The following CNTN4 variants were observed in gnomAD, a reference collection of about 807,000 sequenced individuals.
The protein encoded by CNTN4 is contactin 4, also known as contactin-4.
CNTN4 carries 77 observed loss-of-function variants against 122.5 expected under a neutral mutation model. That is an observed-to-expected ratio of 0.63 (90% CI 0.52 to 0.76). CNTN4 has a LOEUF of 0.76. Ranked by LOEUF, CNTN4 falls within the 30% of genes least tolerant of loss-of-function variation. The pLI, the probability that CNTN4 is intolerant of heterozygous loss-of-function variation, is 0.00. For missense variants in CNTN4, 1,256 were observed against 1,259.1 expected, an observed-to-expected ratio of 1.00 and a Z score of 0.04; for synonymous variants, 512 against 447.0, an observed-to-expected ratio of 1.15 and a Z score of -1.83.
At chr3:2,485,446 G>A (rs778110149) in intron 3 of CNTN4, among the ~76,000 whole-genome samples, 2 of 152,212 alleles carry the variant, frequency 1.3e-5, no homozygotes, top group African/African-American at 2.4e-5. Context: ...GCAGCACTCT[G>A]TGTCTAGCTC....
At chr3:3,001,244 C>T (rs1173201146) in intron 14 of CNTN4, among the ~76,000 whole-genome samples, 1 of 152,184 alleles carries the variant, frequency 6.6e-6, no homozygotes, top group Non-Finnish European at 1.5e-5. Flanking sequence ...CGCTACACAA[C>T]CTCAAGTCTC....
chr3:2,882,862 C>T (rs1264738945), intron 8 of CNTN4: 8 of 349,672 alleles, frequency 2.3e-5, no homozygotes, highest in Non-Finnish European at 4.4e-5. Context: ...TCCTTTTTTT[C>T]CTTAAGACTA....
intron 7 of CNTN4, among the ~76,000 whole-genome samples, chr3:2,863,444 C>CTTTTTTT (rs5846228): frequency 0.011 from 998 of 92,074 alleles, 3 homozygotes; most frequent in Non-Finnish European, 0.015. Context: ...ATGGTTTCTT[C>CTTTTTTT]TTTTTTTTTT....
intron 2 of CNTN4, among the ~76,000 whole-genome samples, chr3:2,141,006 T>A (rs559530133): frequency 1.3e-5 from 2 of 152,208 alleles, no homozygotes; most frequent in African/African-American, 4.8e-5. Context: ...AAGTTACAGG[T>A]TATGTGAAAC....
At chr3:2,522,998 C>G (rs2077273614) in intron 3 of CNTN4, among the ~76,000 whole-genome samples, 1 of 151,994 alleles carries the variant, frequency 6.6e-6, no homozygotes, top group African/African-American at 2.4e-5. Flanking sequence ...TGCTTTCTGT[C>G]CTAAATTGAT....
chr3:2,406,115 G>A (rs1188115763), intron 3 of CNTN4, among the ~76,000 whole-genome samples: 1 of 151,812 alleles, frequency 6.6e-6, no homozygotes, highest in Non-Finnish European at 1.5e-5. Flanking sequence ...TAAATCTTGT[G>A]GATGAAAGTT....
chr3:2,286,538 T>G (rs2041909801), intron 2 of CNTN4, among the ~76,000 whole-genome samples: 1 of 152,084 alleles, frequency 6.6e-6, no homozygotes, highest in Admixed American at 6.6e-5. Flanking sequence ...GACCACTGTT[T>G]CTAAATATGT....
intron 12 of CNTN4, among the ~76,000 whole-genome samples, chr3:2,918,014 G>T (rs2094388306): frequency 6.6e-6 from 1 of 152,062 alleles, no homozygotes; most frequent in South Asian, 2.1e-4. Flanking sequence ...AAAGTCATTT[G>T]TACTTAGTGT....
chr3:2,144,135 A>C (rs2035133360), intron 2 of CNTN4: 1 of 152,188 alleles, frequency 6.6e-6, no homozygotes, highest in South Asian at 2.1e-4. Flanking sequence ...CCTACCTAGT[A>C]AGCCTTCATG....
At chr3:2,832,825 G>A (rs1035151752) in intron 7 of CNTN4, among the ~76,000 whole-genome samples, 27 of 152,284 alleles carry the variant, frequency 1.8e-4, no homozygotes, top group African/African-American at 6.0e-4. Flanking sequence ...TGGGAGCCCC[G>A]TGCAGTCAAT....
intron 14 of CNTN4, 100 bp from the exon 15 acceptor site, chr3:3,026,002 T>G: frequency 8.5e-7 from 1 of 1,172,584 alleles, no homozygotes; most frequent in Non-Finnish European, 1.2e-6. Context: ...TAAAGCAAAA[T>G]TACTTAGTAT....
chr3:2,196,469 C>A (rs531521569), intron 2 of CNTN4, among the ~76,000 whole-genome samples: 1 of 152,228 alleles, frequency 6.6e-6, no homozygotes, highest in East Asian at 1.9e-4. Flanking sequence ...TTCATTTTAT[C>A]ATTTCTTCAT....
At chr3:2,792,227 C>T (rs2092035362) in intron 6 of CNTN4, among the ~76,000 whole-genome samples, 1 of 152,092 alleles carries the variant, frequency 6.6e-6, no homozygotes, top group African/African-American at 2.4e-5. Context: ...TACATGATCC[C>T]TATGTTTTCC....
At chr3:2,559,338 A>G (rs1336169943) in intron 3 of CNTN4, among the ~76,000 whole-genome samples, 1 of 152,196 alleles carries the variant, frequency 6.6e-6, no homozygotes, top group Non-Finnish European at 1.5e-5. Context: ...GAATGTCAGT[A>G]CTATCAGCCC....
chr3:2,697,944 C>A (rs2149239547), intron 4 of CNTN4, among the ~76,000 whole-genome samples: 1 of 152,248 alleles, frequency 6.6e-6, no homozygotes, highest in Middle Eastern at 3.4e-3. Flanking sequence ...GGGCAATTTG[C>A]TTTATACTAC....
At chr3:2,407,950 T>A (rs996537239) in intron 3 of CNTN4, among the ~76,000 whole-genome samples, 4 of 152,238 alleles carry the variant, frequency 2.6e-5, no homozygotes, top group African/African-American at 9.6e-5. Context: ...ATGCACATTT[T>A]AAATACTTGT....
At chr3:2,138,788 G>A (rs2034836669) in intron 2 of CNTN4, among the ~76,000 whole-genome samples, 1 of 151,970 alleles carries the variant, frequency 6.6e-6, no homozygotes, top group Admixed American at 6.6e-5. Context: ...GCTTATAGAT[G>A]GCAGATTTTG....
intron 6 of CNTN4, among the ~76,000 whole-genome samples, chr3:2,762,891 C>T (rs1241454858): frequency 6.8e-6 from 1 of 146,934 alleles, no homozygotes; most frequent in Non-Finnish European, 1.5e-5. Context: ...GGTGGTATCT[C>T]ATTGTGGTTT....
intron 2 of CNTN4, among the ~76,000 whole-genome samples, chr3:2,127,744 T>A: frequency 6.6e-6 from 1 of 152,168 alleles, no homozygotes; most frequent in East Asian, 1.9e-4. Flanking sequence ...GCTAAAGGTT[T>A]GAACTAAATG....
Sources: gnomAD v4.1 joint callset for allele counts (sites outside exome capture counted in the v4.1 genomes callset) on GRCh38, gnomAD v4.1.1 for gene constraint, MANE v1.5 for transcripts, NCBI Gene and HGNC (gene_info 2026-07-23, HGNC 2026-07-21) for gene names.